Variants in OR51B5 observed in about 807,000 individuals in gnomAD.
OR51B5 encodes olfactory receptor family 51 subfamily B member 5, also known as olfactory receptor 51B5.
For synonymous variants in OR51B5, 186 were observed against 144.8 expected (o/e 1.28, Z -2.04); for missense variants, 456 against 374.6 (o/e 1.22, Z -1.79).
chr11:5,485,257 C>A (rs1456105895), intron 1 of OR51B5, among the ~76,000 whole-genome samples: 1 of 152,136 alleles, frequency 6.6e-6, no homozygotes. Context: ...ATAAAAATAA[C>A]CTTCCTCTCA....
intron 1 of OR51B5, among the ~76,000 whole-genome samples, chr11:5,366,629 G>T (rs566640409): frequency 1.8e-4 from 27 of 150,532 alleles, no homozygotes; most frequent in Middle Eastern, 3.4e-3. Context: ...GAAAGAGAGA[G>T]AGGTAGGGAG....
At chr11:5,440,481 G>A in intron 1 of OR51B5, 1 of 815,012 alleles carries the variant, frequency 1.2e-6, no homozygotes, top group Non-Finnish European at 2.0e-6. Context: ...AAGATCCTGG[G>A]TCCTCTTCAT....
intron 1 of OR51B5, among the ~76,000 whole-genome samples, chr11:5,417,589 A>C (rs912456652): frequency 6.7e-5 from 10 of 150,160 alleles, no homozygotes; most frequent in African/African-American, 1.2e-4. Flanking sequence ...AAGAAAAAAA[A>C]AACCCCATCC....
chr11:5,414,837 C>A (rs541853228), intron 1 of OR51B5, among the ~76,000 whole-genome samples: 2 of 152,310 alleles, frequency 1.3e-5, no homozygotes, highest in African/African-American at 2.4e-5. Flanking sequence ...GAGACTTTAA[C>A]ACCCCACTGT....
At chr11:5,373,243 T>C (rs1338049511) in intron 1 of OR51B5, among the ~76,000 whole-genome samples, 2 of 152,164 alleles carry the variant, frequency 1.3e-5, no homozygotes, top group Admixed American at 1.3e-4. Context: ...CTGCTTGATA[T>C]CAGTCTCGGC....
intron 1 of OR51B5, among the ~76,000 whole-genome samples, chr11:5,442,034 T>C (rs111911964): frequency 2.2e-3 from 334 of 152,302 alleles, no homozygotes; most frequent in African/African-American, 7.4e-3. Flanking sequence ...TCTAGGCTTC[T>C]ACCTTCCAAC....
At chr11:5,479,025 T>A (rs1185571072) in intron 1 of OR51B5, among the ~76,000 whole-genome samples, 2 of 151,970 alleles carry the variant, frequency 1.3e-5, no homozygotes, top group Admixed American at 6.5e-5. Flanking sequence ...ATAAAGATAC[T>A]CCTCGAGAAG....
intron 1 of OR51B5, among the ~76,000 whole-genome samples, chr11:5,450,520 T>C (rs750848083): frequency 3.9e-5 from 6 of 152,162 alleles, no homozygotes; most frequent in African/African-American, 9.7e-5. Flanking sequence ...ACCCTCGGGG[T>C]CCTTTCTTCT....
At chr11:5,479,390 C>T (rs952544962) in intron 1 of OR51B5, among the ~76,000 whole-genome samples, 71 of 151,194 alleles carry the variant, frequency 4.7e-4, no homozygotes, top group African/African-American at 1.7e-3. Flanking sequence ...ACAACCGGTA[C>T]CAGCTGCTGC....
intron 1 of OR51B5, among the ~76,000 whole-genome samples, chr11:5,427,322 C>T (rs942786546): frequency 3.9e-5 from 6 of 152,160 alleles, no homozygotes; most frequent in Non-Finnish European, 8.8e-5. Flanking sequence ...AGGCGTTCTC[C>T]CTGCCCCTAC....
chr11:5,435,561 T>C (rs952165682), intron 1 of OR51B5, among the ~76,000 whole-genome samples: 1 of 152,210 alleles, frequency 6.6e-6, no homozygotes, highest in Non-Finnish European at 1.5e-5. Context: ...ACCTAACAGA[T>C]GCTTAATAAA....
At chr11:5,485,287 AAAG>A (rs1851482911) in intron 1 of OR51B5, among the ~76,000 whole-genome samples, 4 of 152,242 alleles carry the variant, frequency 2.6e-5, no homozygotes, top group Admixed American at 6.5e-5. Context: ...AGTGCATCAA[AAAG>A]AAGGTTAACA....
At chr11:5,441,598 C>A in intron 1 of OR51B5, 1 of 1,026,104 alleles carries the variant, frequency 9.7e-7, no homozygotes, top group Non-Finnish European at 1.4e-6. Context: ...CTGTCTCCAA[C>A]AAAAGGTCAT....
chr11:5,439,230 C>A (rs1850637862), intron 1 of OR51B5, among the ~76,000 whole-genome samples: 1 of 152,084 alleles, frequency 6.6e-6, no homozygotes. Flanking sequence ...AGAAGGAAAG[C>A]ACAATATGGG....
chr11:5,474,142 A>G (rs1190598461), intron 1 of OR51B5, among the ~76,000 whole-genome samples: 1 of 152,176 alleles, frequency 6.6e-6, no homozygotes, highest in Non-Finnish European at 1.5e-5. Flanking sequence ...ATAAACTTAC[A>G]ACAATCTTCA....
chr11:5,433,337 A>G (rs915301168), intron 1 of OR51B5, among the ~76,000 whole-genome samples: 1 of 152,234 alleles, frequency 6.6e-6, no homozygotes, highest in Non-Finnish European at 1.5e-5. Context: ...ATAACAAATT[A>G]AATTTATAAA....
chr11:5,422,732 C>G (rs565413124), intron 1 of OR51B5: 4 of 1,613,918 alleles, frequency 2.5e-6, no homozygotes, highest in African/African-American at 2.7e-5. Flanking sequence ...CCTTCTCTCT[C>G]GCTCCTATTG....
chr11:5,368,947 C>G (rs1446666076), intron 1 of OR51B5, among the ~76,000 whole-genome samples: 1 of 152,084 alleles, frequency 6.6e-6, no homozygotes, highest in African/African-American at 2.4e-5. Context: ...ATCATGCTTA[C>G]AGATCTGATT....
intron 1 of OR51B5, among the ~76,000 whole-genome samples, chr11:5,461,761 C>A (rs955306411): frequency 6.6e-6 from 1 of 152,184 alleles, no homozygotes; most frequent in African/African-American, 2.4e-5. Flanking sequence ...AAGAGTGGGT[C>A]ACTACATGCC....
Sources: gnomAD v4.1 joint callset for allele counts (sites outside exome capture counted in the v4.1 genomes callset) on GRCh38, gnomAD v4.1.1 for gene constraint, MANE v1.5 for transcripts, NCBI Gene and HGNC (gene_info 2026-07-23, HGNC 2026-07-21) for gene names.